ATP2C1: variants seen among roughly 807,000 people sequenced by gnomAD.
The protein encoded by ATP2C1 is calcium-transporting ATPase type 2C member 1.
In ATP2C1, 31 loss-of-function variants were observed where a neutral mutation model predicts 120.5. The ratio of observed to expected loss-of-function variants is 0.26; its 90% CI spans 0.19 to 0.35. The LOEUF (loss-of-function observed/expected upper bound fraction) is 0.35, where lower values mean the gene tolerates loss of function less well. Among genes scored for constraint, ATP2C1 ranks in the 10% least tolerant of loss-of-function variants. The pLI is 1.00. For missense variants in ATP2C1, 731 were observed against 1,107.5 expected (o/e 0.66, Z 4.83); for synonymous variants, 351 against 358.7 (o/e 0.98, Z 0.24).
In ATP2C1 at chr3:130,861,949, G is replaced by T. The variant is rs56288577; in HGVS notation, c.108+11021G>T. ...TTTAATGACCTCCTAACACAATGAT[G>T]ATTTATTTTGATTTTGATTTTTTAA... On this transcript the variant is annotated intron_variant, in intron 1 of 26. Coordinates refer to the ATP2C1 transcript ENST00000504381. Among the ~76,000 whole-genome samples, 1,120 of 152,072 alleles carry T rather than the reference G, an allele frequency of 7.4e-3. 8 individuals carry two copies. Among genetic ancestry groups the T allele is most frequent in the Middle Eastern group, 0.014 (4 of 294 alleles).
chr3:130,956,571 C>G (rs2060590026), intron 11 of ATP2C1, among the ~76,000 whole-genome samples: 1 of 151,200 alleles, frequency 6.6e-6, no homozygotes, highest in Non-Finnish European at 1.5e-5. Context: ...ATAAGAAGAC[C>G]TCTTCTAGAC....
chr3:130,904,327 A>G (rs923487197), intron 2 of ATP2C1, among the ~76,000 whole-genome samples: 1 of 151,896 alleles, frequency 6.6e-6, no homozygotes, highest in African/African-American at 2.4e-5. Context: ...GTCTCCTCCC[A>G]TCTGTTAAGC....
chr3:130,907,098 AC>A (rs2058163086), intron 2 of ATP2C1, among the ~76,000 whole-genome samples: 1 of 152,048 alleles, frequency 6.6e-6, no homozygotes, highest in African/African-American at 2.4e-5. Context: ...ACACACACAC[AC>A]ACATACGTTT....
chr3:130,906,216 C>T lies in ATP2C1; in HGVS notation c.6+11441C>T, dbSNP rs139105969. On this transcript the variant is annotated intron_variant, in intron 2 of 27. Coordinates refer to ENST00000510168, the MANE Select transcript of ATP2C1 (RefSeq NM_001378687.1). The stretch of plus-strand genomic sequence containing the variant: ...TATCACCCCAGAAAGAAACCCCTTA[C>T]CCATTAGCAGTCACTTCCCATTCTC... Among the ~76,000 whole-genome samples the T allele has an allele frequency of 2.3e-3, 343 of 152,084 alleles. 1 individual carries two copies. Among genetic ancestry groups the T allele is most frequent in the Non-Finnish European group, 3.6e-3 (246 of 67,966 alleles).
chr3:130,922,213 A>C (rs567677589), intron 2 of ATP2C1, among the ~76,000 whole-genome samples: 2 of 152,224 alleles, frequency 1.3e-5, no homozygotes, highest in African/African-American at 4.8e-5. Context: ...TAGGAAATTA[A>C]CCATCTCCTC....
At chr3:131,011,682 C>G (rs1473177690) in intron 26 of ATP2C1, among the ~76,000 whole-genome samples, 1 of 152,142 alleles carries the variant, frequency 6.6e-6, no homozygotes, top group African/African-American at 2.4e-5. Flanking sequence ...CCGCTGTTTC[C>G]TTATTGTAGT....
At chr3:130,877,485 A>G (rs1252741166) in intron 1 of ATP2C1, among the ~76,000 whole-genome samples, 1 of 152,254 alleles carries the variant, frequency 6.6e-6, no homozygotes, top group Non-Finnish European at 1.5e-5. Context: ...AAAGGATATG[A>G]ACAGACACTT....
intron 7 of ATP2C1, among the ~76,000 whole-genome samples, chr3:130,941,262 G>GTGTGTGTC (rs2059902059): frequency 1.4e-5 from 2 of 143,292 alleles, no homozygotes; most frequent in African/African-American, 5.1e-5. Flanking sequence ...GTGTGTGTGT[G>GTGTGTGTC]TGTCTGTGTG....
intron 2 of ATP2C1, among the ~76,000 whole-genome samples, chr3:130,923,223 G>C (rs2059044425): frequency 6.6e-6 from 1 of 151,052 alleles, no homozygotes; most frequent in South Asian, 2.1e-4. Flanking sequence ...ATCCCTCTTT[G>C]TCTTTCTTTT....
intron 1 of ATP2C1, among the ~76,000 whole-genome samples, chr3:130,864,565 C>T (rs1189553059): frequency 6.6e-6 from 1 of 152,232 alleles, no homozygotes; most frequent in Non-Finnish European, 1.5e-5. Context: ...ACAGCAGCCC[C>T]TCCCATCACA....
chr3:130,901,092 T>C (rs2057799200), intron 2 of ATP2C1, among the ~76,000 whole-genome samples: 1 of 152,174 alleles, frequency 6.6e-6, no homozygotes, highest in African/African-American at 2.4e-5. Flanking sequence ...GCAAAAGCAG[T>C]TCATGGCACA....
At chr3:130,973,051 C>T (rs2061399429) in intron 17 of ATP2C1, among the ~76,000 whole-genome samples, 1 of 138,380 alleles carries the variant, frequency 7.2e-6, no homozygotes, top group Non-Finnish European at 1.6e-5. Flanking sequence ...AAGTCAAAGA[C>T]ATGTACAGTA....
At chr3:130,946,102 A>G (rs548711250) in intron 8 of ATP2C1, among the ~76,000 whole-genome samples, 110 of 152,006 alleles carry the variant, frequency 7.2e-4, no homozygotes, top group Non-Finnish European at 1.2e-3. Flanking sequence ...TGATCTGATG[A>G]TTTTCTAAAT....
At chr3:130,963,214 T>C (rs1022521801) in intron 12 of ATP2C1, 4 of 152,008 alleles carry the variant, frequency 2.6e-5, no homozygotes, top group African/African-American at 9.7e-5. Context: ...TTAAGTATGG[T>C]CGCAATGTTT....
intron 8 of ATP2C1, among the ~76,000 whole-genome samples, chr3:130,944,438 G>T (rs1368670903): frequency 1.3e-5 from 2 of 152,170 alleles, no homozygotes; most frequent in Non-Finnish European, 2.9e-5. Flanking sequence ...TTTCTGGTGA[G>T]GACTGTTGCT....
At chr3:130,956,654 C>G (rs2108572554) in intron 11 of ATP2C1, among the ~76,000 whole-genome samples, 1 of 151,634 alleles carries the variant, frequency 6.6e-6, no homozygotes, top group South Asian at 2.1e-4. Flanking sequence ...TGGTAAATAC[C>G]TCTCTTTTTT....
intron 8 of ATP2C1, among the ~76,000 whole-genome samples, chr3:130,948,575 G>A (rs562329719): frequency 3.3e-5 from 5 of 152,140 alleles, no homozygotes; most frequent in African/African-American, 9.6e-5. Flanking sequence ...GTAGATTTAT[G>A]TCTTTCATCA....
chr3:130,920,271 C>T (rs1213198494), intron 2 of ATP2C1, among the ~76,000 whole-genome samples: 1 of 152,192 alleles, frequency 6.6e-6, no homozygotes, highest in African/African-American at 2.4e-5. Context: ...ACACCAGTGT[C>T]ATGAAGCTTT....
intron 2 of ATP2C1, among the ~76,000 whole-genome samples, chr3:130,919,527 C>A (rs1576713974): frequency 6.6e-6 from 1 of 152,220 alleles, no homozygotes; most frequent in East Asian, 1.9e-4. Flanking sequence ...CCTAGAGTTT[C>A]TTTTTTAAGG....
Sources: gnomAD v4.1 joint callset for allele counts (sites outside exome capture counted in the v4.1 genomes callset) on GRCh38, gnomAD v4.1.1 for gene constraint, MANE v1.5 for transcripts, NCBI Gene and HGNC (gene_info 2026-07-23, HGNC 2026-07-21) for gene names.